The following CYSLTR2 variants were observed in gnomAD, a reference collection of about 807,000 sequenced individuals.
CYSLTR2 encodes cysteinyl leukotriene receptor 2.
For missense variants in CYSLTR2, 398 were observed against 411.9 expected, an observed-to-expected ratio of 0.97 and a Z score of 0.29; for synonymous variants, 179 against 160.8, an observed-to-expected ratio of 1.11 and a Z score of -0.86.
intron 1 of CYSLTR2, among the ~76,000 whole-genome samples, chr13:48,679,030 C>A (rs1953676875): frequency 6.6e-6 from 1 of 152,138 alleles, no homozygotes. Context: ...AGGATGAAAT[C>A]CCAATTCCTT....
Position 48,692,198 on chromosome 13 carries a change from A to G in CYSLTR2, c.-176+897A>G, listed in dbSNP as rs546505155. On this transcript the variant is annotated intron_variant, in intron 2 of 4. Transcript: ENST00000682523. ...TAGATGACATTGTAAAAAAATTGCT[A>G]TGTGTTAGCAATTAACAATAGTCAC... Among the ~76,000 whole-genome samples, 11 of 152,174 alleles carry G rather than the reference A, an allele frequency of 7.2e-5. No individual in the cohort carries two copies. In the South Asian group the frequency reaches 1.2e-3, roughly 17 times the overall value.
rs1358209151 is a variant in CYSLTR2, at chr13:48,708,409, C to G, written c.*551C>G. On this transcript the variant is annotated 3_prime_UTR_variant, in exon 5 of 5. Transcript: ENST00000682523. ...GAGAAAAGGGGGAGAAGGATTGGAG[C>G]AAAAGAGAACTGGCAATAAGTAGGG... 6.0e-6 allele frequency: 1 copy of G among 167,290 alleles called. No homozygotes were observed. The highest frequency in any genetic ancestry group is 1.5e-5 in the Non-Finnish European group (1 of 68,354). The allele number at this position is 167,290 out of a possible 1,614,324, so 10.4% of individuals were successfully genotyped here. A position where few individuals can be genotyped will look rare whatever the true frequency, so the allele number is the denominator to read the frequency against.
chr13:48,681,001 T>C (rs1163922178), intron 1 of CYSLTR2, among the ~76,000 whole-genome samples: 1 of 152,004 alleles, frequency 6.6e-6, no homozygotes. Flanking sequence ...CTAGGAAGGA[T>C]GTTTGTATAT....
At chr13:48,680,800 C>CTTTTTTTTTTTTTTTTTTTTTTTTTTTCT (rs139896583) in intron 1 of CYSLTR2, among the ~76,000 whole-genome samples, 2 of 55,048 alleles carry the variant, frequency 3.6e-5, no homozygotes, top group Non-Finnish European at 7.0e-5. Context: ...CTTTTCTTTT[C>CTTTTTTTTTTTTTTTTTTTTTTTTTTTCT]TTTTTTTTTT....
At chr13:48,699,890 C>A (rs779012355) in intron 4 of CYSLTR2, among the ~76,000 whole-genome samples, 50 of 152,170 alleles carry the variant, frequency 3.3e-4, no homozygotes, top group Non-Finnish European at 4.4e-4. Context: ...ACTATACACA[C>A]CTCTAAGCAA....
chr13:48,662,717 A>G (rs918465437), intron 1 of CYSLTR2, among the ~76,000 whole-genome samples: 4 of 151,928 alleles, frequency 2.6e-5, no homozygotes, highest in Non-Finnish European at 5.9e-5. Context: ...TGCTGTTGAG[A>G]TGTTTGAGTA....
At position 48,669,119 on chromosome 13, in the gene CYSLTR2, A is replaced by G. The variant is rs543563001; in HGVS notation, c.-266+15102A>G. 2.0e-5 allele frequency among the ~76,000 whole-genome samples: 3 copies of G among 152,244 alleles called. No homozygotes were observed. The South Asian group carries it at 6.2e-4, about 32-fold the overall frequency. On this transcript the variant is annotated intron_variant, in intron 1 of 4. Coordinates refer to ENST00000682523, the MANE Select transcript of CYSLTR2 (RefSeq NM_001308476.3). ...GAATAATTTATAATCCCTTGGGTAT[A>G]TACCCCGTAATGGGATTACTGGGTC...
chr13:48,681,874 T>G (rs2138897541), intron 1 of CYSLTR2, among the ~76,000 whole-genome samples: 1 of 152,348 alleles, frequency 6.6e-6, no homozygotes, highest in Middle Eastern at 3.4e-3. Flanking sequence ...AATCTATTTC[T>G]ACTTTTTCGG....
intron 1 of CYSLTR2, among the ~76,000 whole-genome samples, chr13:48,667,353 T>C (rs1953290795): frequency 6.6e-6 from 1 of 152,000 alleles, no homozygotes; most frequent in Admixed American, 6.6e-5. Context: ...TGGCTGGGAG[T>C]ATGTCAATGC....
chr13:48,691,001 A>G (rs1160794846), intron 1 of CYSLTR2, among the ~76,000 whole-genome samples: 2 of 152,090 alleles, frequency 1.3e-5, no homozygotes, highest in African/African-American at 2.4e-5. Flanking sequence ...TCAAATGCCT[A>G]TATCAGTGTA....
intron 1 of CYSLTR2, among the ~76,000 whole-genome samples, chr13:48,660,886 T>C (rs932128588): frequency 2.0e-5 from 3 of 152,222 alleles, no homozygotes; most frequent in South Asian, 4.2e-4. Context: ...CTCTGGGATT[T>C]TGAGGAACAA....
intron 4 of CYSLTR2, among the ~76,000 whole-genome samples, chr13:48,701,546 A>C (rs1185756898): frequency 1.3e-5 from 2 of 152,250 alleles, no homozygotes; most frequent in East Asian, 3.9e-4. Context: ...AGCTACAAAG[A>C]ACTTAAACAA....
intron 3 of CYSLTR2, among the ~76,000 whole-genome samples, chr13:48,695,015 C>A (rs985771416): frequency 6.7e-6 from 1 of 150,184 alleles, no homozygotes; most frequent in African/African-American, 2.4e-5. Context: ...ATCTCTTGTA[C>A]CCCTTCCCGC....
intron 1 of CYSLTR2, among the ~76,000 whole-genome samples, chr13:48,663,045 A>T (rs565186908): frequency 3.3e-5 from 5 of 152,128 alleles, no homozygotes; most frequent in African/African-American, 1.2e-4. Context: ...GTTTGGGCCT[A>T]GTTTCATTCT....
chr13:48,664,718 T>C (rs1485621392), intron 1 of CYSLTR2, among the ~76,000 whole-genome samples: 1 of 152,042 alleles, frequency 6.6e-6, no homozygotes. Flanking sequence ...GGTTCTTCTC[T>C]CTTTTTTTCT....
In CYSLTR2 at chr13:48,679,707, G is replaced by T. The variant is rs901004914; in HGVS notation, c.-265-11505G>T. ...AGTAACTGCAGTACAACTCACTGTT[G>T]CTGCCCCTTGTTGGATGAAGGAGCA... On this transcript the variant is annotated intron_variant, in intron 1 of 4. Coordinates refer to ENST00000682523, the MANE Select transcript of CYSLTR2 (RefSeq NM_001308476.3). 2.0e-5 allele frequency among the ~76,000 whole-genome samples: 3 copies of T among 152,154 alleles called. No individual in the cohort carries two copies. The East Asian group carries it at 5.8e-4, about 29-fold the overall frequency.
intron 1 of CYSLTR2, among the ~76,000 whole-genome samples, chr13:48,687,552 A>C (rs966501021): frequency 6.6e-6 from 1 of 152,066 alleles, no homozygotes; most frequent in Non-Finnish European, 1.5e-5. Context: ...TCATCTATCA[A>C]TTATCTATCA....
Position 48,672,373 on chromosome 13 carries a change from G to C in CYSLTR2, c.-266+18356G>C, listed in dbSNP as rs186364039. ...CTAGTTCTTATAATTGTGATGTTAG[G>C]ATTTCTATATTAGACCTGTCCTGCT... On this transcript the variant is annotated intron_variant, in intron 1 of 4. Coordinates refer to ENST00000682523, the MANE Select transcript of CYSLTR2 (RefSeq NM_001308476.3). 1.4e-3 allele frequency among the ~76,000 whole-genome samples: 219 copies of C among 152,024 alleles called. 3 individuals are homozygous for C. The highest frequency in any genetic ancestry group is 1.4e-3 in the Non-Finnish European group (97 of 67,972).
intron 1 of CYSLTR2, among the ~76,000 whole-genome samples, chr13:48,674,030 C>T (rs1345638628): frequency 1.3e-5 from 2 of 152,132 alleles, no homozygotes; most frequent in African/African-American, 4.8e-5. Flanking sequence ...GGTAACCCAA[C>T]CTTTCTGTCT....
Sources: allele counts gnomAD v4.1 joint callset (sites outside exome capture counted in the v4.1 genomes callset), GRCh38; gene constraint gnomAD v4.1.1; transcripts MANE v1.5; gene names NCBI Gene and HGNC (gene_info 2026-07-23, HGNC 2026-07-21).